NOTCH2: variants seen among roughly 807,000 people sequenced by gnomAD.
The protein encoded by NOTCH2 is notch receptor 2, also known as neurogenic locus notch homolog protein 2.
In NOTCH2, 29 loss-of-function variants were observed where a neutral mutation model predicts 235.8. The observed-to-expected ratio is 0.12, with a 90% CI of 0.09 to 0.17. NOTCH2 has a LOEUF of 0.17. Among genes scored for constraint, NOTCH2 ranks in the 10% least tolerant of loss-of-function variants. The probability of loss-of-function intolerance (pLI) is 1.00; values close to 1 mark genes in which losing one functional copy is unlikely to be tolerated. For missense variants in NOTCH2, 2,285 were observed against 3,150.2 expected (o/e 0.73, Z 6.57); for synonymous variants, 1,086 against 1,141.5 (o/e 0.95, Z 0.98).
chr1:119,919,772 C>T (rs1649207055), intron 30 of NOTCH2, among the ~76,000 whole-genome samples, 159 bp from the exon 31 acceptor site: 1 of 152,188 alleles, frequency 6.6e-6, no homozygotes, highest in Admixed American at 6.5e-5. Flanking sequence ...CCACCTTTTC[C>T]TCTGATAGTA....
chr1:119,940,954 A>C (rs1553196391), intron 18 of NOTCH2, among the ~76,000 whole-genome samples, 198 bp from the exon 19 acceptor site: 3 of 152,218 alleles, frequency 2.0e-5, no homozygotes, highest in African/African-American at 7.2e-5. Context: ...AAAGGCTTAG[A>C]AGTATTTAAA....
Position 119,912,293 on chromosome 1 carries a change from C to T in NOTCH2, c.*3013G>A, listed in dbSNP as rs1275688949. 1.7e-5 allele frequency: 4 copies of T among 232,964 alleles called. No individual in the cohort carries two copies. The highest frequency in any genetic ancestry group is 3.4e-5 in the Non-Finnish European group (4 of 117,802). 14.4% of individuals were successfully genotyped at this position (232,964 alleles called of 1,614,324 possible). On this transcript the variant is annotated 3_prime_UTR_variant, in exon 34 of 34. Coordinates refer to ENST00000256646, the MANE Select transcript of NOTCH2 (RefSeq NM_024408.4). ...CCATAGTACCACTTATTAGTGGGGG[C>T]CTCTGGGTACATAAATGTGTCCTCC... is the stretch of plus-strand genomic sequence containing the variant.
intron 13 of NOTCH2, among the ~76,000 whole-genome samples, chr1:119,953,940 T>C (rs1650586299): frequency 1.3e-5 from 2 of 152,194 alleles, no homozygotes; most frequent in African/African-American, 4.8e-5. Context: ...ATGTAAACAA[T>C]GGTTTCTACA....
intron 3 of NOTCH2, among the ~76,000 whole-genome samples, chr1:120,004,728 G>T (rs1474524369): frequency 6.6e-6 from 1 of 152,168 alleles, no homozygotes; most frequent in Non-Finnish European, 1.5e-5. Context: ...TGGTGACAGT[G>T]TACTTATTTC....
chr1:119,969,247 T>C (rs1245629263), intron 6 of NOTCH2, among the ~76,000 whole-genome samples: 4 of 152,234 alleles, frequency 2.6e-5, no homozygotes, highest in Admixed American at 6.5e-5. Context: ...TCAGCAGATG[T>C]TCCAAAGACA....
chr1:119,982,852 C>T (rs752771335), intron 5 of NOTCH2, among the ~76,000 whole-genome samples: 62 of 152,212 alleles, frequency 4.1e-4, no homozygotes, highest in Non-Finnish European at 6.2e-4. Flanking sequence ...TAGGTAAAAA[C>T]GCCTGTAGTG....
chr1:119,918,686 T>C, intron 31 of NOTCH2, 133 bp from the exon 32 acceptor site: 4 of 837,916 alleles, frequency 4.8e-6, no homozygotes, highest in Non-Finnish European at 7.9e-6. Context: ...TCTTGTTATC[T>C]TTGTGCCCAA....
At chr1:119,968,518 G>A (rs1366669714) in intron 6 of NOTCH2, among the ~76,000 whole-genome samples, 1 of 152,228 alleles carries the variant, frequency 6.6e-6, no homozygotes, top group Non-Finnish European at 1.5e-5. Context: ...AGACAGGAAA[G>A]TGGAGCTATC....
chr1:120,013,800 AGTAAG>A (rs1653307321), intron 2 of NOTCH2, among the ~76,000 whole-genome samples: 1 of 150,644 alleles, frequency 6.6e-6, no homozygotes, highest in South Asian at 2.1e-4. Context: ...CTTGGTGGAA[AGTAAG>A]GTTCTCTGCT....
Position 119,912,332 on chromosome 1 carries a change from T to C in NOTCH2, c.*2974A>G, listed in dbSNP as rs184363885. The C allele has an allele frequency of 1.3e-3, 307 of 233,310 alleles. No homozygotes were observed. The highest frequency in any genetic ancestry group is 1.9e-3 in the Non-Finnish European group (221 of 117,848). 14.5% of individuals were successfully genotyped at this position (233,310 alleles called of 1,614,324 possible). ...AATGTGTCCTCCCAAATAGTCATCA[T>C]ACATTCAATGTATTGGTTAGGGCCA... On this transcript the variant is annotated 3_prime_UTR_variant, in exon 34 of 34. Transcript: ENST00000256646.
rs141693834 is a variant in NOTCH2, at chr1:119,961,465, A to G, written c.1916-1963T>C. ...ATGCCTGGATCAAGCCAGGCCAATG[A>G]GATTCTCTCATTACAACACTGAAAC... On this transcript the variant is annotated intron_variant, in intron 11 of 33. Transcript: ENST00000256646. Among the ~76,000 whole-genome samples, 478 of 152,294 alleles carry G rather than the reference A, an allele frequency of 3.1e-3. 2 individuals are homozygous for G. Among genetic ancestry groups the G allele is most frequent in the African/African-American group, 0.011 (453 of 41,560 alleles).
chr1:120,040,660 C>A (rs1654507258), intron 1 of NOTCH2, among the ~76,000 whole-genome samples: 2 of 131,652 alleles, frequency 1.5e-5, no homozygotes, highest in Admixed American at 7.7e-5. Context: ...CACCTGAGGC[C>A]AAAAACCTTG....
chr1:119,923,256 A>G (rs1649349263), intron 26 of NOTCH2, among the ~76,000 whole-genome samples: 1 of 152,220 alleles, frequency 6.6e-6, no homozygotes, highest in African/African-American at 2.4e-5. Context: ...TGAATGACAG[A>G]GCAACTGAAG....
At chr1:119,940,007 G>A (rs1294698942) in intron 19 of NOTCH2, among the ~76,000 whole-genome samples, 1 of 152,154 alleles carries the variant, frequency 6.6e-6, no homozygotes, top group African/African-American at 2.4e-5. Context: ...GCCCCTCTGG[G>A]GCTGTTTCGC....
At chr1:119,972,198 T>G (rs1433433648) in intron 5 of NOTCH2, among the ~76,000 whole-genome samples, 1 of 151,150 alleles carries the variant, frequency 6.6e-6, no homozygotes, top group African/African-American at 2.4e-5. Context: ...AGGGAGGGAG[T>G]GAGCTCACCG....
chr1:119,952,469 G>A (rs1386414016), intron 14 of NOTCH2, among the ~76,000 whole-genome samples: 1 of 152,174 alleles, frequency 6.6e-6, no homozygotes, highest in Non-Finnish European at 1.5e-5. Flanking sequence ...CCACTAGACA[G>A]TCCCATCTGG....
At position 119,999,963 on chromosome 1, in the gene NOTCH2, GAAAGAAAGAAAGA is replaced by G. The variant is rs1557840200; in HGVS notation, c.416-2644_416-2632del. ...AGAAAGAAAGAAAGAAAGAAAGAAA[GAAAGAAAGAAAGA>G]AAGGAAGGAAGGAAGGAAGGAAGGA... is the stretch of plus-strand genomic sequence containing the variant. On this transcript the variant is annotated intron_variant, in intron 3 of 33. Transcript: ENST00000256646. Among the ~76,000 whole-genome samples, 182 of 128,024 alleles carry G rather than the reference GAAAGAAAGAAAGA, an allele frequency of 1.4e-3. 1 individual carries two copies. Among genetic ancestry groups the G allele is most frequent in the Non-Finnish European group, 1.6e-3 (102 of 64,370 alleles). The allele number at this position is 128,024 out of a possible 152,430, so 84.0% of individuals were successfully genotyped here.
intron 2 of NOTCH2, among the ~76,000 whole-genome samples, chr1:120,009,131 G>C (rs587681374): frequency 1.3e-4 from 20 of 152,326 alleles, no homozygotes; most frequent in African/African-American, 4.3e-4. Context: ...CCATAACACA[G>C]AGAGCAGCCC....
At chr1:120,014,813 G>A (rs1653365333) in intron 2 of NOTCH2, among the ~76,000 whole-genome samples, 2 of 122,938 alleles carry the variant, frequency 1.6e-5, no homozygotes, top group South Asian at 6.0e-4. Context: ...CTACAGAAAA[G>A]CTTAAAACAG....
Sources: gnomAD v4.1 joint callset for allele counts (sites outside exome capture counted in the v4.1 genomes callset) on GRCh38, gnomAD v4.1.1 for gene constraint, MANE v1.5 for transcripts, NCBI Gene and HGNC (gene_info 2026-07-23, HGNC 2026-07-21) for gene names.